The following NXPH2 variants were observed in gnomAD, a reference collection of about 807,000 sequenced individuals.
The protein encoded by NXPH2 is neurexophilin 2, also known as neurexophilin-2.
NXPH2 carries 5 observed loss-of-function variants against 19.8 expected under a neutral mutation model. That is an observed-to-expected ratio of 0.25 (90% confidence interval 0.13 to 0.53). The LOEUF is 0.53. NXPH2 is among the 20% of genes least tolerant of loss of function. The probability of loss-of-function intolerance (pLI) is 0.96; values close to 1 mark genes in which losing one functional copy is unlikely to be tolerated. For missense variants in NXPH2, 289 were observed against 322.8 expected (o/e 0.90, Z 0.80); for synonymous variants, 154 against 127.4 (o/e 1.21, Z -1.41).
At chr2:138,777,611 T>C (rs940565835) in intron 1 of NXPH2, among the ~76,000 whole-genome samples, 11 of 151,846 alleles carry the variant, frequency 7.2e-5, no homozygotes, top group African/African-American at 2.7e-4. Flanking sequence ...TATATAACCA[T>C]AGTTAGTGAC....
intron 1 of NXPH2, among the ~76,000 whole-genome samples, chr2:138,749,208 A>G (rs1472270359): frequency 1.3e-5 from 2 of 151,706 alleles, no homozygotes; most frequent in East Asian, 3.9e-4. Flanking sequence ...TCCTTTGCTC[A>G]CTCTTCTCTC....
chr2:138,678,274 G>T (rs2104967361), intron 1 of NXPH2, among the ~76,000 whole-genome samples: 1 of 152,278 alleles, frequency 6.6e-6, no homozygotes, highest in African/African-American at 2.4e-5. Flanking sequence ...ATACACAGAG[G>T]TAAAGTGCGG....
chr2:138,744,012 A>G (rs548100688), intron 1 of NXPH2, among the ~76,000 whole-genome samples: 2 of 151,654 alleles, frequency 1.3e-5, no homozygotes, highest in Admixed American at 6.6e-5. Context: ...CAAAAAAAAA[A>G]AAAAAAAAAA....
intron 1 of NXPH2, among the ~76,000 whole-genome samples, chr2:138,741,825 G>A (rs1369853249): frequency 6.6e-6 from 1 of 152,088 alleles, no homozygotes; most frequent in Non-Finnish European, 1.5e-5. Context: ...TTAATTAGAT[G>A]CCAAATTGAC....
intron 1 of NXPH2, among the ~76,000 whole-genome samples, chr2:138,740,572 G>A (rs16841097): frequency 0.21 from 31,392 of 151,962 alleles, 3,824 homozygotes; most frequent in East Asian, 0.53. Flanking sequence ...CAACCATATC[G>A]TTACGTAACT....
chr2:138,746,070 C>T (rs562468733), intron 1 of NXPH2, among the ~76,000 whole-genome samples: 18 of 152,244 alleles, frequency 1.2e-4, no homozygotes, highest in Admixed American at 4.6e-4. Context: ...GGGAATTCGT[C>T]GTCCTGTATG....
chr2:138,719,964 C>A (rs1168261442), intron 1 of NXPH2, among the ~76,000 whole-genome samples: 1 of 152,078 alleles, frequency 6.6e-6, no homozygotes, highest in Non-Finnish European at 1.5e-5. Context: ...AAGCAAATTT[C>A]AATATATGGT....
chr2:138,733,053 C>T (rs986101408), intron 1 of NXPH2, among the ~76,000 whole-genome samples: 2 of 152,160 alleles, frequency 1.3e-5, no homozygotes, highest in Non-Finnish European at 2.9e-5. Context: ...CCTTCAAATG[C>T]CTTATATAGC....
chr2:138,674,977 C>T (rs1233534208), intron 1 of NXPH2, among the ~76,000 whole-genome samples: 2 of 152,198 alleles, frequency 1.3e-5, no homozygotes, highest in Non-Finnish European at 2.9e-5. Context: ...TTTGGTACAG[C>T]TTCTGAACTT....
chr2:138,718,233 T>C (rs1216629339), intron 1 of NXPH2, among the ~76,000 whole-genome samples: 1 of 152,072 alleles, frequency 6.6e-6, no homozygotes, highest in Non-Finnish European at 1.5e-5. Flanking sequence ...AAAAGACACA[T>C]ACTTAAATTT....
chr2:138,747,255 T>C (rs1179093724), intron 1 of NXPH2, among the ~76,000 whole-genome samples: 4 of 152,058 alleles, frequency 2.6e-5, no homozygotes, highest in African/African-American at 9.7e-5. Flanking sequence ...GGAAAGAAAA[T>C]TGATGCCCTT....
chr2:138,690,267 T>G (rs1680727613), intron 1 of NXPH2, among the ~76,000 whole-genome samples: 1 of 152,104 alleles, frequency 6.6e-6, no homozygotes, highest in Non-Finnish European at 1.5e-5. Flanking sequence ...CCAAATCCAT[T>G]TTATATTTGT....
intron 1 of NXPH2, among the ~76,000 whole-genome samples, chr2:138,713,972 G>GC (rs1491402341): frequency 3.2e-5 from 4 of 126,476 alleles, no homozygotes; most frequent in Non-Finnish European, 6.8e-5. Flanking sequence ...AAACAAAAAA[G>GC]CAAAAAAAAA....
intron 1 of NXPH2, among the ~76,000 whole-genome samples, chr2:138,772,301 A>ATT (rs1309572466): frequency 6.6e-6 from 1 of 151,762 alleles, no homozygotes; most frequent in Non-Finnish European, 1.5e-5. Flanking sequence ...AAATTTTATT[A>ATT]TTTATTTATT....
chr2:138,692,476 C>A (rs1471120889), intron 1 of NXPH2, among the ~76,000 whole-genome samples: 1 of 152,128 alleles, frequency 6.6e-6, no homozygotes, highest in Non-Finnish European at 1.5e-5. Flanking sequence ...CCTAAAAATT[C>A]TTATCTGTCT....
At chr2:138,695,359 A>G (rs540300348) in intron 1 of NXPH2, among the ~76,000 whole-genome samples, 71 of 152,330 alleles carry the variant, frequency 4.7e-4, no homozygotes, top group Non-Finnish European at 7.8e-4. Flanking sequence ...CCTTAGCAAG[A>G]AAGTTTAGCA....
At position 138,680,901 on chromosome 2, in the gene NXPH2, T is replaced by C. The variant is rs191024674; in HGVS notation, c.52-9236A>G. ...TAACATTGTTAAGACAACAGTTATATTTTTTTCCCAGTGAAAGGCTAACTT... is the reference window on the plus strand; with the variant it reads ...TAACATTGTTAAGACAACAGTTATACTTTTTTCCCAGTGAAAGGCTAACTT... On this transcript the variant is annotated intron_variant, in intron 1 of 1. Coordinates refer to ENST00000272641, the MANE Select transcript of NXPH2 (RefSeq NM_007226.3). Among the ~76,000 whole-genome samples the C allele has an allele frequency of 3.5e-4, 53 of 152,262 alleles. No homozygotes were observed. In the East Asian group the frequency reaches 9.3e-3, roughly 27 times the overall value.
At chr2:138,775,275 G>A (rs2104846151) in intron 1 of NXPH2, among the ~76,000 whole-genome samples, 1 of 152,190 alleles carries the variant, frequency 6.6e-6, no homozygotes, top group African/African-American at 2.4e-5. Flanking sequence ...CCAAACACTT[G>A]TTTGAGAGTT....
At chr2:138,776,347 T>C (rs184838099) in intron 1 of NXPH2, among the ~76,000 whole-genome samples, 2 of 152,158 alleles carry the variant, frequency 1.3e-5, no homozygotes, top group East Asian at 1.9e-4. Context: ...TAAGAAAGCT[T>C]TTCTTTTCCA....
Sources: allele counts gnomAD v4.1 joint callset (sites outside exome capture counted in the v4.1 genomes callset), GRCh38; gene constraint gnomAD v4.1.1; transcripts MANE v1.5; gene names NCBI Gene and HGNC (gene_info 2026-07-23, HGNC 2026-07-21).